The following MACROD2 variants were observed in gnomAD, a reference collection of about 807,000 sequenced individuals.
MACROD2 encodes ADP-ribose glycohydrolase MACROD2.
Under a neutral mutation model 70.4 loss-of-function variants are expected in MACROD2, and 36 were observed. That is an observed-to-expected ratio of 0.51 (90% CI 0.39 to 0.68). MACROD2 has a LOEUF of 0.68. MACROD2 is among the 30% of genes least tolerant of loss of function. The pLI is 0.00. For synonymous variants in MACROD2, 172 were observed against 178.8 expected, an observed-to-expected ratio of 0.96 and a Z score of 0.30; for missense variants, 496 against 538.4, an observed-to-expected ratio of 0.92 and a Z score of 0.78.
At chr20:14,691,115 G>A (rs187135356) in intron 5 of MACROD2, among the ~76,000 whole-genome samples, 30 of 152,076 alleles carry the variant, frequency 2.0e-4, no homozygotes, top group African/African-American at 7.0e-4. Flanking sequence ...CTGGGGTTTC[G>A]CCATGTTGGC....
intron 5 of MACROD2, among the ~76,000 whole-genome samples, chr20:14,773,059 G>T (rs1030192407): frequency 5.3e-5 from 8 of 151,978 alleles, no homozygotes; most frequent in Non-Finnish European, 1.0e-4. Flanking sequence ...TAGGATGAAA[G>T]AAATCACATT....
chr20:14,373,330 A>G (rs2083343353), intron 3 of MACROD2, among the ~76,000 whole-genome samples: 1 of 152,182 alleles, frequency 6.6e-6, no homozygotes. Context: ...GATGAAATGT[A>G]ATACATTTGA....
At chr20:15,337,459 C>G (rs749389555) in intron 6 of MACROD2, among the ~76,000 whole-genome samples, 1 of 151,592 alleles carries the variant, frequency 6.6e-6, no homozygotes, top group Non-Finnish European at 1.5e-5. Context: ...TTTCTTTAAA[C>G]GTCTGCATAA....
chr20:15,810,762 G>T (rs1237933039), intron 8 of MACROD2, among the ~76,000 whole-genome samples: 1 of 152,150 alleles, frequency 6.6e-6, no homozygotes, highest in Non-Finnish European at 1.5e-5. Flanking sequence ...GAACAGAACA[G>T]TGCCCTCAGA....
At chr20:14,257,955 G>C (rs2082071190) in intron 3 of MACROD2, among the ~76,000 whole-genome samples, 1 of 152,164 alleles carries the variant, frequency 6.6e-6, no homozygotes, top group East Asian at 1.9e-4. Flanking sequence ...CTCATAGCTT[G>C]GCTCCCATTT....
chr20:15,263,618 G>T (rs756143000), intron 6 of MACROD2, among the ~76,000 whole-genome samples: 3 of 151,852 alleles, frequency 2.0e-5, no homozygotes, highest in Non-Finnish European at 4.4e-5. Flanking sequence ...TCTCGCTTTG[G>T]GTAATATGGA....
At chr20:14,814,599 GAAT>G (rs2072752424) in intron 5 of MACROD2, among the ~76,000 whole-genome samples, 1 of 151,882 alleles carries the variant, frequency 6.6e-6, no homozygotes, top group African/African-American at 2.4e-5. Flanking sequence ...CTAAAATATG[GAAT>G]ATTTGGAGTT....
chr20:14,667,924 G>A lies in MACROD2; in HGVS notation c.302-16919G>A, dbSNP rs781506898. On this transcript the variant is annotated intron_variant, in intron 4 of 17. Transcript: ENST00000684519. The stretch of plus-strand genomic sequence containing the variant: ...TGATCCTAGCACTTTGGAAGGCCAA[G>A]GCAGGCAGATCTCTTGAGTTCAAGA... Among the ~76,000 whole-genome samples, 218 of 152,216 alleles carry A rather than the reference G, an allele frequency of 1.4e-3. 2 individuals carry two copies. Among genetic ancestry groups the A allele is most frequent in the Non-Finnish European group, 2.3e-3 (156 of 68,016 alleles).
At chr20:14,125,483 C>CA (rs1236479539) in intron 3 of MACROD2, among the ~76,000 whole-genome samples, 1 of 151,920 alleles carries the variant, frequency 6.6e-6, no homozygotes, top group African/African-American at 2.4e-5. Flanking sequence ...TTTTCTAAAA[C>CA]AAAGTGTTCA....
chr20:14,751,400 A>G (rs1352936169), intron 5 of MACROD2, among the ~76,000 whole-genome samples: 1 of 151,878 alleles, frequency 6.6e-6, no homozygotes, highest in Non-Finnish European at 1.5e-5. Flanking sequence ...CCTCAAATCC[A>G]TGTGCTTCTT....
chr20:15,585,998 G>A (rs1289408772), intron 8 of MACROD2, among the ~76,000 whole-genome samples: 4 of 152,234 alleles, frequency 2.6e-5, no homozygotes, highest in Admixed American at 6.5e-5. Flanking sequence ...GATTGGGGAA[G>A]GACAAAGTTT....
chr20:14,003,635 C>T (rs947252258), intron 2 of MACROD2: 39 of 453,458 alleles, frequency 8.6e-5, no homozygotes, highest in African/African-American at 3.5e-4. Flanking sequence ...CCCACCACCC[C>T]GTCTCAGAAC....
chr20:14,208,775 A>T (rs904042524), intron 3 of MACROD2, among the ~76,000 whole-genome samples: 1 of 152,178 alleles, frequency 6.6e-6, no homozygotes, highest in Non-Finnish European at 1.5e-5. Context: ...AGCTGGTCAT[A>T]TGAGGTGGTA....
At chr20:15,704,915 T>C (rs2050511381) in intron 8 of MACROD2, among the ~76,000 whole-genome samples, 2 of 152,180 alleles carry the variant, frequency 1.3e-5, no homozygotes. Context: ...CCAGCCTTGA[T>C]TATAGGCCCC....
At chr20:14,072,372 G>A (rs968054438) in intron 2 of MACROD2, among the ~76,000 whole-genome samples, 1 of 152,004 alleles carries the variant, frequency 6.6e-6, no homozygotes, top group African/African-American at 2.4e-5. Flanking sequence ...AATGGTATAT[G>A]AGAGCCTGCA....
intron 4 of MACROD2, among the ~76,000 whole-genome samples, chr20:14,591,868 A>G (rs1010421421): frequency 2.6e-5 from 4 of 152,232 alleles, no homozygotes; most frequent in Non-Finnish European, 5.9e-5. Flanking sequence ...AATATGAAAT[A>G]ATTTGAGATC....
intron 5 of MACROD2, among the ~76,000 whole-genome samples, chr20:14,763,139 A>T (rs1017851141): frequency 6.6e-6 from 1 of 152,098 alleles, no homozygotes; most frequent in Non-Finnish European, 1.5e-5. Context: ...AGAGAAAAGG[A>T]TGTAAAGGAG....
chr20:14,741,300 C>G (rs2071728889), intron 5 of MACROD2, among the ~76,000 whole-genome samples: 1 of 152,068 alleles, frequency 6.6e-6, no homozygotes, highest in Admixed American at 6.6e-5. Context: ...CTACAGATTT[C>G]TAAAAATTAT....
At chr20:15,909,616 C>T (rs928667601) in intron 10 of MACROD2, among the ~76,000 whole-genome samples, 329 of 146,368 alleles carry the variant, frequency 2.2e-3, no homozygotes, top group African/African-American at 7.8e-3. Flanking sequence ...CTCCGCCTCC[C>T]GGGTTCACAC....
Sources: allele counts gnomAD v4.1 joint callset (sites outside exome capture counted in the v4.1 genomes callset), GRCh38; gene constraint gnomAD v4.1.1; transcripts MANE v1.5; gene names NCBI Gene and HGNC (gene_info 2026-07-23, HGNC 2026-07-21).